PDE10A: variants seen among roughly 807,000 people sequenced by gnomAD.
PDE10A encodes the protein phosphodiesterase 10A.
In PDE10A, 39 loss-of-function variants were observed where a neutral mutation model predicts 97.7. The ratio of observed to expected loss-of-function variants is 0.40; its 90% CI spans 0.31 to 0.52. PDE10A has a LOEUF of 0.52. Among genes scored for constraint, PDE10A ranks in the 20% least tolerant of loss-of-function variants. The pLI, the probability that PDE10A is intolerant of heterozygous loss-of-function variation, is 0.56. For missense variants in PDE10A, 731 were observed against 1,047.8 expected (o/e 0.70, Z 4.17); for synonymous variants, 371 against 376.8 (o/e 0.98, Z 0.18).
At chr6:165,968,503 C>T (rs1024395842) in intron 1 of PDE10A, among the ~76,000 whole-genome samples, 3 of 152,140 alleles carry the variant, frequency 2.0e-5, no homozygotes, top group Admixed American at 2.0e-4. Context: ...CGCTAATTTT[C>T]TTTTGACCAA....
rs1252851469 is a variant in PDE10A, at chr6:165,594,447, TATAATACTG to T, written c.866-50888_866-50880del. ...AAAAAGAATAGAAATGGTAATATATTATAATACTGAATAGAGAAGGAATCCACGAGTCCT... is the reference window on the plus strand; with the variant it reads ...AAAAAGAATAGAAATGGTAATATATTAATAGAGAAGGAATCCACGAGTCCT... On this transcript the variant is annotated intron_variant, in intron 1 of 21. Coordinates refer to ENST00000539869, the MANE Select transcript of PDE10A (RefSeq NM_001385079.1). 7.9e-5 allele frequency among the ~76,000 whole-genome samples: 12 copies of T among 152,304 alleles called. No homozygotes were observed. The East Asian group carries it at 2.3e-3, about 29-fold the overall frequency.
chr6:165,824,773 A>G (rs934822196), intron 1 of PDE10A, among the ~76,000 whole-genome samples: 3 of 152,052 alleles, frequency 2.0e-5, no homozygotes, highest in East Asian at 3.9e-4. Flanking sequence ...TTATGGAAAA[A>G]AAAGCATTTT....
At chr6:165,639,190 T>C (rs1304400986) in intron 1 of PDE10A, among the ~76,000 whole-genome samples, 1 of 152,078 alleles carries the variant, frequency 6.6e-6, no homozygotes, top group Admixed American at 6.6e-5. Flanking sequence ...ATTCAAAAGT[T>C]AAACAATTTG....
At chr6:165,333,627 T>G (rs1165451467) in intron 21 of PDE10A, among the ~76,000 whole-genome samples, 1 of 152,214 alleles carries the variant, frequency 6.6e-6, no homozygotes, top group East Asian at 1.9e-4. Flanking sequence ...AAAGTCATCC[T>G]AAGTTACACC....
intron 1 of PDE10A, among the ~76,000 whole-genome samples, chr6:165,807,792 C>T (rs1779179015): frequency 6.6e-6 from 1 of 152,126 alleles, no homozygotes; most frequent in Admixed American, 6.5e-5. Flanking sequence ...CTCTGGAAGT[C>T]AGCAACGATA....
rs867850222 is a variant in PDE10A, at chr6:165,619,394, G to C, written c.865+42553C>G. On this transcript the variant is annotated intron_variant, in intron 1 of 21. Coordinates refer to ENST00000539869, the MANE Select transcript of PDE10A (RefSeq NM_001385079.1). ...GTGGTGTAGTGTAGTCTAGTATAGT[G>C]TAGTGTAGTGTAGTCTAGTGTAGTG... 1.2e-3 allele frequency among the ~76,000 whole-genome samples: 45 copies of C among 36,412 alleles called. 1 individual carries two copies. The highest frequency in any genetic ancestry group is 5.4e-3 in the East Asian group (8 of 1,486). The allele number at this position is 36,412 out of a possible 152,430, so 23.9% of individuals were successfully genotyped here.
chr6:165,596,357 T>C (rs1453463641), intron 1 of PDE10A, among the ~76,000 whole-genome samples: 1 of 152,200 alleles, frequency 6.6e-6, no homozygotes, highest in African/African-American at 2.4e-5. Context: ...GCGTCTGCCC[T>C]TTTTCTCCTA....
At chr6:165,413,875 C>A (rs574698236) in intron 12 of PDE10A, among the ~76,000 whole-genome samples, 188 bp from the exon 13 acceptor site, 20 of 152,222 alleles carry the variant, frequency 1.3e-4, no homozygotes, top group South Asian at 6.2e-4. Context: ...TAAAACCTTT[C>A]CAAAAATATT....
chr6:165,854,807 A>G lies in PDE10A; in HGVS notation c.-615+132722T>C, dbSNP rs964732934. ...TGGAGGAGCGCAGGGCGCGCCAGGC[A>G]GGGCAGGGCGGCCCGTGGCCTTGGC... is the stretch of plus-strand genomic sequence containing the variant. On this transcript the variant is annotated intron_variant, in intron 1 of 19. Transcript: ENST00000366882. Among the ~76,000 whole-genome samples, 3 of 152,150 alleles carry G rather than the reference A, an allele frequency of 2.0e-5. No individual in the cohort carries two copies. The East Asian group carries it at 5.8e-4, about 30-fold the overall frequency.
At chr6:165,965,125 T>G (rs1784473276) in intron 1 of PDE10A, among the ~76,000 whole-genome samples, 2 of 152,234 alleles carry the variant, frequency 1.3e-5, no homozygotes, top group Admixed American at 1.3e-4. Flanking sequence ...GATTGTATTT[T>G]AAACATGTAA....
chr6:165,676,659 C>T (rs1180871925), intron 1 of PDE10A, among the ~76,000 whole-genome samples: 1 of 152,186 alleles, frequency 6.6e-6, no homozygotes, highest in African/African-American at 2.4e-5. Context: ...GGTGACCCGG[C>T]CAGCTCACGG....
chr6:165,826,298 CCGTCTTCAT>C (rs1779743201), intron 1 of PDE10A, among the ~76,000 whole-genome samples: 1 of 53,390 alleles, frequency 1.9e-5, no homozygotes, highest in Non-Finnish European at 3.7e-5. Context: ...GTCCCCATGT[CCGTCTTCAT>C]GTCCCTCTGT....
chr6:165,837,692 G>A (rs1295278983), intron 1 of PDE10A, among the ~76,000 whole-genome samples: 2 of 134,864 alleles, frequency 1.5e-5, no homozygotes, highest in Non-Finnish European at 3.1e-5. Context: ...TTTTGGGGCA[G>A]GAGGCGGTGG....
At chr6:165,548,281 T>TC (rs1206761387) in intron 1 of PDE10A, among the ~76,000 whole-genome samples, 4 of 97,190 alleles carry the variant, frequency 4.1e-5, no homozygotes, top group African/African-American at 8.4e-5. Flanking sequence ...AATCTCTTTT[T>TC]TTTTTTTTTT....
At chr6:165,402,835 T>A (rs566032857) in intron 13 of PDE10A, among the ~76,000 whole-genome samples, 37 of 152,202 alleles carry the variant, frequency 2.4e-4, no homozygotes, top group Non-Finnish European at 4.4e-4. Flanking sequence ...TTATTTAGAA[T>A]GTTGTTATTG....
chr6:165,713,419 C>G (rs989333124), intron 1 of PDE10A, among the ~76,000 whole-genome samples: 1 of 152,222 alleles, frequency 6.6e-6, no homozygotes, highest in Non-Finnish European at 1.5e-5. Flanking sequence ...CCCAGTTAGA[C>G]AGTGGCATGT....
chr6:165,977,207 G>A (rs372820544), intron 1 of PDE10A, among the ~76,000 whole-genome samples: 1 of 152,172 alleles, frequency 6.6e-6, no homozygotes, highest in African/African-American at 2.4e-5. Context: ...AATAAAGAAG[G>A]TTGGAAATCA....
chr6:165,733,114 C>A (rs148655917), intron 1 of PDE10A, among the ~76,000 whole-genome samples: 1 of 152,162 alleles, frequency 6.6e-6, no homozygotes, highest in Non-Finnish European at 1.5e-5. Flanking sequence ...CATTTCCAGT[C>A]GGCACTGTGA....
intron 1 of PDE10A, among the ~76,000 whole-genome samples, chr6:165,862,959 C>T (rs912565801): frequency 1.6e-4 from 25 of 152,338 alleles, no homozygotes; most frequent in African/African-American, 5.8e-4. Flanking sequence ...GGATTATAGG[C>T]ATGAGCCACC....
Sources: gnomAD v4.1 joint callset for allele counts (sites outside exome capture counted in the v4.1 genomes callset) on GRCh38, gnomAD v4.1.1 for gene constraint, MANE v1.5 for transcripts, NCBI Gene and HGNC (gene_info 2026-07-23, HGNC 2026-07-21) for gene names.